FKBP1A: variants seen among roughly 807,000 people sequenced by gnomAD.
FKBP1A encodes FKBP prolyl isomerase 1A.
Under a neutral mutation model 14.2 loss-of-function variants are expected in FKBP1A, and 5 were observed. The ratio of observed to expected loss-of-function variants is 0.35; its 90% CI spans 0.18 to 0.74. The LOEUF is 0.74. FKBP1A is among the 30% of genes least tolerant of loss of function. The pLI is 0.56. For synonymous variants in FKBP1A, 42 were observed against 49.1 expected (o/e 0.86, Z 0.60); for missense variants, 53 against 138.8 (o/e 0.38, Z 3.10).
chr20:1,387,314 A>C (rs1178633843), intron 2 of FKBP1A, among the ~76,000 whole-genome samples: 2 of 152,166 alleles, frequency 1.3e-5, no homozygotes, highest in Non-Finnish European at 2.9e-5. Flanking sequence ...CGAGAAATGG[A>C]TGAAGGAATG....
chr20:1,373,119 C>T (rs971821322), intron 3 of FKBP1A: 1 of 152,244 alleles, frequency 6.6e-6, no homozygotes, highest in Non-Finnish European at 1.5e-5. Context: ...TGTGAAGCGT[C>T]TAGTCCTTGC....
At chr20:1,382,130 TGGGGA>T (rs1307779988) in intron 2 of FKBP1A, among the ~76,000 whole-genome samples, 1 of 152,166 alleles carries the variant, frequency 6.6e-6, no homozygotes, top group Non-Finnish European at 1.5e-5. Flanking sequence ...TTCCTCTCTT[TGGGGA>T]GGGAACAGGT....
intron 2 of FKBP1A, among the ~76,000 whole-genome samples, chr20:1,387,427 T>G (rs1320641043): frequency 6.6e-6 from 1 of 152,198 alleles, no homozygotes; most frequent in Non-Finnish European, 1.5e-5. Flanking sequence ...ATCATTGATC[T>G]TAAGGCCCTG....
In FKBP1A at chr20:1,393,037, G is replaced by C; in HGVS notation, c.-39C>G. ...GCTGAGCGGGCGGGCGGCGCGACGG[G>C]CGGCGTGGACCAACAGCGACCTGGC... is the stretch of plus-strand genomic sequence containing the variant. On this transcript the variant is annotated 5_prime_UTR_variant, in exon 1 of 5. Coordinates refer to ENST00000400137, the MANE Select transcript of FKBP1A (RefSeq NM_000801.5). 2 of 1,374,566 alleles carry C rather than the reference G, an allele frequency of 1.5e-6. No individual in the cohort carries two copies. The highest frequency in any genetic ancestry group is 2.7e-4 in the Middle Eastern group (1 of 3,760). 85.1% of individuals were successfully genotyped at this position (1,374,566 alleles called of 1,614,324 possible).
At chr20:1,389,247 G>A (rs766033826) in intron 2 of FKBP1A, among the ~76,000 whole-genome samples, 1 of 152,182 alleles carries the variant, frequency 6.6e-6, no homozygotes, top group Non-Finnish European at 1.5e-5. Context: ...CCTAGAGCCT[G>A]GCTTGCTGCT....
At chr20:1,378,655 T>C (rs1251530546) in intron 2 of FKBP1A, 1 of 152,148 alleles carries the variant, frequency 6.6e-6, no homozygotes, top group East Asian at 1.9e-4. Flanking sequence ...GAAATCTCTG[T>C]ACATGCCTCT....
intron 2 of FKBP1A, 95 bp downstream of exon 2, chr20:1,392,739 G>T: frequency 1.1e-6 from 1 of 910,766 alleles, no homozygotes; most frequent in Non-Finnish European, 1.5e-6. Context: ...CCACGCCCCG[G>T]ACCCCAGGCC....
At chr20:1,390,656 A>C (rs1248651149) in intron 2 of FKBP1A, among the ~76,000 whole-genome samples, 1 of 152,070 alleles carries the variant, frequency 6.6e-6, no homozygotes, top group African/African-American at 2.4e-5. Flanking sequence ...TAAAAGCCTT[A>C]ACTGCTACAG....
rs182450272 is a variant in FKBP1A at position 1,386,663 on chromosome 20, G to T, written c.85+6171C>A. On this transcript the variant is annotated intron_variant, in intron 2 of 4. Coordinates refer to ENST00000400137, the MANE Select transcript of FKBP1A (RefSeq NM_000801.5). This position sits in a 1 kb window ranked among gnomAD's most constrained non-coding sequence, Gnocchi z 4.7. The stretch of plus-strand genomic sequence containing the variant: ...CAGTGGGGAGTGGGGGCAGTGTGGT[G>T]GCACCTAAGCAAAGGGGCAGAGACC... 5.9e-4 allele frequency among the ~76,000 whole-genome samples: 90 copies of T among 152,334 alleles called. 1 individual carries two copies. Among genetic ancestry groups the T allele is most frequent in the Middle Eastern group, 3.4e-3 (1 of 294 alleles).
chr20:1,378,270 C>T (rs2089575006), intron 2 of FKBP1A: 1 of 152,074 alleles, frequency 6.6e-6, no homozygotes. Flanking sequence ...TGAATCAGCC[C>T]CAAACCACTT....
At chr20:1,387,753 C>T (rs2089683498) in intron 2 of FKBP1A, among the ~76,000 whole-genome samples, 1 of 151,696 alleles carries the variant, frequency 6.6e-6, no homozygotes, top group African/African-American at 2.4e-5. Context: ...GATGGGAGGC[C>T]GGGATGGGAG....
At chr20:1,391,432 T>C (rs2089735014) in intron 2 of FKBP1A, among the ~76,000 whole-genome samples, 1 of 152,184 alleles carries the variant, frequency 6.6e-6, no homozygotes, top group Admixed American at 6.5e-5. Flanking sequence ...ACTTTCCAGC[T>C]TCCTTCACGG....
In FKBP1A at chr20:1,393,005, G is replaced by A; in HGVS notation, c.-7C>T. On this transcript the variant is annotated 5_prime_UTR_variant, in exon 1 of 5. Transcript: ENST00000400137. The stretch of plus-strand genomic sequence containing the variant: ...TTTCCACCTGCACTCCCATGGCGGC[G>A]GCGGACGCTGAGCGGGCGGGCGGCG... The A allele has an allele frequency of 1.4e-6, 2 of 1,467,516 alleles. No individual in the cohort carries two copies. Among genetic ancestry groups the A allele is most frequent in the Non-Finnish European group, 1.8e-6 (2 of 1,114,300 alleles). The allele number at this position is 1,467,516 out of a possible 1,614,324, so 90.9% of individuals were successfully genotyped here.
chr20:1,377,121 A>C (rs1466448224), intron 2 of FKBP1A: 1 of 152,224 alleles, frequency 6.6e-6, no homozygotes, highest in Non-Finnish European at 1.5e-5. Context: ...AAGATCCATA[A>C]AAACATTACA....
rs1479381695 is a variant in FKBP1A, at chr20:1,379,154, T to C, written c.86-3551A>G. Reference sequence around the variant, plus strand: ...GCTCTGACCTGTGCAAGATCGTATTTTGATTGCAGTGAAAGCCACAGGGTA... The same window carrying C: ...GCTCTGACCTGTGCAAGATCGTATTCTGATTGCAGTGAAAGCCACAGGGTA... On this transcript the variant is annotated intron_variant, in intron 2 of 4. Transcript: ENST00000400137. This position sits in a 1 kb window ranked among gnomAD's most constrained non-coding sequence, Gnocchi z 4.3. Among the ~76,000 whole-genome samples the C allele has an allele frequency of 2.0e-5, 3 of 152,208 alleles. No homozygotes were observed. The highest frequency in any genetic ancestry group is 4.8e-5 in the African/African-American group (2 of 41,448).
At chr20:1,384,472 T>C (rs1311216337) in intron 2 of FKBP1A, among the ~76,000 whole-genome samples, 1 of 152,244 alleles carries the variant, frequency 6.6e-6, no homozygotes. Context: ...AGAACTATGA[T>C]GGGAAACTCC....
At chr20:1,384,972 G>A (rs997019629) in intron 2 of FKBP1A, among the ~76,000 whole-genome samples, 1 of 152,256 alleles carries the variant, frequency 6.6e-6, no homozygotes, top group Admixed American at 6.5e-5. Context: ...AGGATCCAAC[G>A]GCAATAAAAA....
Sources: gnomAD v4.1 joint callset for allele counts (sites outside exome capture counted in the v4.1 genomes callset) on GRCh38, gnomAD v4.1.1 for gene constraint, Gnocchi (gnomAD v3.1) non-coding constraint, MANE v1.5 for transcripts, NCBI Gene and HGNC (gene_info 2026-07-23, HGNC 2026-07-21) for gene names.